The following FIG4 variants were observed in gnomAD, a reference collection of about 807,000 sequenced individuals.
FIG4 encodes the protein polyphosphoinositide phosphatase.
In FIG4, 112 loss-of-function variants were observed where a neutral mutation model predicts 118.6. That is an observed-to-expected ratio of 0.94 (90% CI 0.81 to 1.11). The LOEUF is 1.11. Ranked by LOEUF, FIG4 falls within the 50% of genes least tolerant of loss-of-function variation. The probability of loss-of-function intolerance (pLI) is 0.00; values close to 1 mark genes in which losing one functional copy is unlikely to be tolerated. For missense variants in FIG4, 969 were observed against 1,111.7 expected (o/e 0.87, Z 1.83); for synonymous variants, 369 against 381.2 (o/e 0.97, Z 0.37).
chr6:109,734,204 A>T (rs112575824), intron 5 of FIG4, among the ~76,000 whole-genome samples: 1 of 151,924 alleles, frequency 6.6e-6, no homozygotes, highest in East Asian at 1.9e-4. Context: ...CAATTGTACC[A>T]TTTTAAAATA....
At chr6:109,713,763 G>A (rs911702139) in intron 1 of FIG4, among the ~76,000 whole-genome samples, 21 of 152,114 alleles carry the variant, frequency 1.4e-4, no homozygotes, top group African/African-American at 5.1e-4. Context: ...GCTGCTGGGT[G>A]GCCATGGGGG....
intron 22 of FIG4, among the ~76,000 whole-genome samples, chr6:109,814,532 A>G (rs546838389): frequency 6.6e-6 from 1 of 152,152 alleles, no homozygotes; most frequent in African/African-American, 2.4e-5. Context: ...ATTAATAAAT[A>G]TTTTATGGAA....
chr6:109,712,493 T>C (rs1176968072), intron 1 of FIG4, among the ~76,000 whole-genome samples: 1 of 152,198 alleles, frequency 6.6e-6, no homozygotes, highest in Non-Finnish European at 1.5e-5. Context: ...AGAAAGCCAG[T>C]CTTCAAGCTC....
chr6:109,762,565 T>C (rs1777144712), intron 12 of FIG4, among the ~76,000 whole-genome samples: 1 of 150,794 alleles, frequency 6.6e-6, no homozygotes, highest in South Asian at 2.1e-4. Context: ...TAGTATTGTA[T>C]TATAGTTATT....
intron 12 of FIG4, among the ~76,000 whole-genome samples, chr6:109,762,852 C>T (rs906947902): frequency 6.6e-6 from 1 of 152,018 alleles, no homozygotes; most frequent in Non-Finnish European, 1.5e-5. Flanking sequence ...TTCAGTGATT[C>T]ACTAGGAGAA....
intron 22 of FIG4, among the ~76,000 whole-genome samples, chr6:109,810,478 T>A (rs1377871243): frequency 6.6e-6 from 1 of 152,174 alleles, no homozygotes; most frequent in African/African-American, 2.4e-5. Flanking sequence ...GGTTCATTGG[T>A]TCATTTATTC....
intron 4 of FIG4, among the ~76,000 whole-genome samples, chr6:109,732,199 G>A (rs1776021273): frequency 6.6e-6 from 1 of 152,210 alleles, no homozygotes; most frequent in Non-Finnish European, 1.5e-5. Context: ...TGACAGAAAT[G>A]TGAACATTTT....
intron 1 of FIG4, among the ~76,000 whole-genome samples, chr6:109,705,938 G>A (rs528443092): frequency 6.6e-6 from 1 of 152,298 alleles, no homozygotes; most frequent in East Asian, 1.9e-4. Flanking sequence ...TGACTTAAAA[G>A]AGCCATTTTT....
At chr6:109,789,003 GT>G (rs1232021287) in intron 18 of FIG4, among the ~76,000 whole-genome samples, 3 of 152,188 alleles carry the variant, frequency 2.0e-5, no homozygotes, top group African/African-American at 7.2e-5. Flanking sequence ...TTCCGGCAGT[GT>G]TTTAATGAAT....
At chr6:109,696,356 T>G (rs547549543) in intron 1 of FIG4, among the ~76,000 whole-genome samples, 1 of 152,352 alleles carries the variant, frequency 6.6e-6, no homozygotes, top group East Asian at 1.9e-4. Context: ...TTTTTTATAA[T>G]ACGCATTTTC....
chr6:109,799,021 A>G (rs201818280), intron 22 of FIG4, among the ~76,000 whole-genome samples: 1 of 152,234 alleles, frequency 6.6e-6, no homozygotes, highest in Non-Finnish European at 1.5e-5. Flanking sequence ...CTAAAATAAT[A>G]TGATACAACT....
intron 1 of FIG4, among the ~76,000 whole-genome samples, chr6:109,695,413 A>G (rs907654418): frequency 1.3e-5 from 2 of 152,180 alleles, no homozygotes; most frequent in Non-Finnish European, 2.9e-5. Flanking sequence ...CCCATGTTTG[A>G]TGAGAGGAAT....
intron 15 of FIG4, among the ~76,000 whole-genome samples, chr6:109,769,805 G>C (rs573639335): frequency 6.6e-6 from 1 of 152,204 alleles, no homozygotes; most frequent in Non-Finnish European, 1.5e-5. Context: ...TGTAGTCCCA[G>C]CTATGTGAGA....
At chr6:109,821,244 A>G (rs1778997537) in intron 22 of FIG4, among the ~76,000 whole-genome samples, 1 of 152,242 alleles carries the variant, frequency 6.6e-6, no homozygotes, top group South Asian at 2.1e-4. Context: ...AGGAAACCTC[A>G]GAGAGCAAGC....
intron 3 of FIG4, 122 bp from the exon 4 acceptor site, chr6:109,726,987 G>A: frequency 1.3e-6 from 1 of 791,808 alleles, no homozygotes; most frequent in South Asian, 1.5e-5. Flanking sequence ...AATTTGTATG[G>A]CTATAAATCA....
chr6:109,810,136 C>T (rs1778681059), intron 22 of FIG4, among the ~76,000 whole-genome samples: 1 of 152,130 alleles, frequency 6.6e-6, no homozygotes, highest in African/African-American at 2.4e-5. Context: ...CACAGGCTAA[C>T]CCCTAAGTAT....
rs958840225 is a variant in FIG4, at chr6:109,737,075, C to T, written c.647-1250C>T. On this transcript the variant is annotated intron_variant, in intron 6 of 22. Coordinates refer to ENST00000230124, the MANE Select transcript of FIG4 (RefSeq NM_014845.6). Reference sequence around the variant, plus strand: ...CCCATCTCAAGGTCCTGATTAGGAACCTTAACTTCATCTGCAGCTTTAATT... The same window carrying T: ...CCCATCTCAAGGTCCTGATTAGGAATCTTAACTTCATCTGCAGCTTTAATT... Among the ~76,000 whole-genome samples the T allele has an allele frequency of 6.6e-5, 10 of 152,116 alleles. No homozygotes were observed. The South Asian group carries it at 8.3e-4, about 13-fold the overall frequency.
At chr6:109,699,944 G>A (rs1774856316) in intron 1 of FIG4, among the ~76,000 whole-genome samples, 1 of 152,188 alleles carries the variant, frequency 6.6e-6, no homozygotes, top group Admixed American at 6.5e-5. Context: ...TCCAGTGTCT[G>A]GTGAGGACCT....
At chr6:109,822,332 G>A (rs1779027119) in intron 22 of FIG4, among the ~76,000 whole-genome samples, 1 of 149,990 alleles carries the variant, frequency 6.7e-6, no homozygotes, top group South Asian at 2.2e-4. Context: ...TGTTTGTTTT[G>A]TGTGATTTTC....
Sources: allele counts gnomAD v4.1 joint callset (sites outside exome capture counted in the v4.1 genomes callset), GRCh38; gene constraint gnomAD v4.1.1; transcripts MANE v1.5; gene names NCBI Gene and HGNC (gene_info 2026-07-23, HGNC 2026-07-21).